The following EFCAB5 variants were observed in gnomAD, a reference collection of about 807,000 sequenced individuals.
EFCAB5 encodes the protein EF-hand calcium binding domain 5.
A neutral mutation model predicts 167.9 loss-of-function variants in EFCAB5; 131 were observed. That is an observed-to-expected ratio of 0.78 (90% CI 0.68 to 0.90). EFCAB5 has a LOEUF of 0.90. Ranked by LOEUF, EFCAB5 falls within the 40% of genes least tolerant of loss-of-function variation. The probability of loss-of-function intolerance (pLI) is 0.00; values close to 1 mark genes in which losing one functional copy is unlikely to be tolerated. For missense variants in EFCAB5, 1,663 were observed against 1,745.2 expected (o/e 0.95, Z 0.84); for synonymous variants, 574 against 602.8 (o/e 0.95, Z 0.70).
At chr17:30,070,313 C>A (rs2151817842) in intron 14 of EFCAB5, among the ~76,000 whole-genome samples, 1 of 151,906 alleles carries the variant, frequency 6.6e-6, no homozygotes, top group Middle Eastern at 3.4e-3. Flanking sequence ...GATCAAATAC[C>A]AATAGCATTT....
At chr17:29,959,738 C>T (rs79663417) in intron 3 of EFCAB5, among the ~76,000 whole-genome samples, 3,020 of 152,254 alleles carry the variant, frequency 0.02, 43 homozygotes, top group Non-Finnish European at 0.031. Context: ...TGTCCTTTCT[C>T]CTTTCCTTAA....
At chr17:29,996,496 G>C in intron 6 of EFCAB5, 136 bp downstream of exon 6, 1 of 662,370 alleles carries the variant, frequency 1.5e-6, no homozygotes, top group South Asian at 2.2e-5. Flanking sequence ...CTTCCATGCT[G>C]TCCAGATACA....
chr17:29,952,847 T>A (rs1350509003), intron 3 of EFCAB5, among the ~76,000 whole-genome samples: 1 of 152,172 alleles, frequency 6.6e-6, no homozygotes, highest in Non-Finnish European at 1.5e-5. Context: ...CTACTTATTA[T>A]ATCATCATTA....
chr17:30,092,732 T>C (rs1270295907), intron 21 of EFCAB5, 108 bp from the exon 22 acceptor site: 14 of 695,924 alleles, frequency 2.0e-5, no homozygotes, highest in Non-Finnish European at 3.3e-5. Flanking sequence ...TGATTGGTTT[T>C]GCCTATTTTA....
intron 1 of EFCAB5, among the ~76,000 whole-genome samples, chr17:29,934,816 G>A (rs1044741528): frequency 6.6e-6 from 1 of 152,188 alleles, no homozygotes; most frequent in African/African-American, 2.4e-5. Context: ...GGGCTGCTGA[G>A]AATCTCTAGA....
At chr17:30,055,673 T>C (rs562497265) in intron 10 of EFCAB5, among the ~76,000 whole-genome samples, 4 of 152,266 alleles carry the variant, frequency 2.6e-5, no homozygotes, top group African/African-American at 9.6e-5. Context: ...CATGGCCAAA[T>C]TGGATACAAT....
intron 3 of EFCAB5, among the ~76,000 whole-genome samples, chr17:29,957,226 C>G (rs1296332124): frequency 1.3e-5 from 2 of 152,106 alleles, no homozygotes; most frequent in Non-Finnish European, 2.9e-5. Context: ...TTTTGTCTTT[C>G]ATTCTGTTGA....
At chr17:30,087,283 T>C in intron 19 of EFCAB5, 117 bp downstream of exon 19, 1 of 712,894 alleles carries the variant, frequency 1.4e-6, no homozygotes, top group East Asian at 2.9e-5. Flanking sequence ...ATTCTTTCTT[T>C]TTAATTTAAT....
At chr17:29,933,751 C>T (rs955981531) in intron 1 of EFCAB5, among the ~76,000 whole-genome samples, 2 of 152,162 alleles carry the variant, frequency 1.3e-5, no homozygotes, top group Non-Finnish European at 1.5e-5. Flanking sequence ...CTGATGAAAA[C>T]TATTGACCTT....
At chr17:29,982,312 G>A (rs1415626139) in intron 4 of EFCAB5, among the ~76,000 whole-genome samples, 3 of 152,018 alleles carry the variant, frequency 2.0e-5, no homozygotes, top group East Asian at 1.9e-4. Flanking sequence ...CAGAAGAATC[G>A]CTTGAACCTG....
At chr17:29,993,956 G>A (rs994124936) in intron 5 of EFCAB5, among the ~76,000 whole-genome samples, 1 of 150,528 alleles carries the variant, frequency 6.6e-6, no homozygotes, top group Admixed American at 6.7e-5. Flanking sequence ...CTACTTTTAT[G>A]AAGAATTTAG....
At chr17:30,107,156 C>A (rs2071459654) in intron 22 of EFCAB5, among the ~76,000 whole-genome samples, 1 of 152,102 alleles carries the variant, frequency 6.6e-6, no homozygotes, top group Non-Finnish European at 1.5e-5. Context: ...GAAAAAGCAA[C>A]TTTTATGAAT....
At chr17:30,018,702 G>A (rs1466527093) in intron 7 of EFCAB5, among the ~76,000 whole-genome samples, 5 of 152,030 alleles carry the variant, frequency 3.3e-5, no homozygotes, top group Non-Finnish European at 7.4e-5. Context: ...CAATTTGGCT[G>A]CTTACACCTA....
chr17:30,059,438 A>G lies in EFCAB5; in HGVS notation c.2581-107A>G, dbSNP rs910705133. On this transcript the variant is annotated intron_variant, in intron 13 of 22. Coordinates refer to ENST00000394835, the MANE Select transcript of EFCAB5 (RefSeq NM_198529.4). Reference sequence around the variant, plus strand: ...AATATCATGCTTAGCCTCAAAGTAAACCTGTTTTAATAGAAGACGCTGGAC... The same window carrying G: ...AATATCATGCTTAGCCTCAAAGTAAGCCTGTTTTAATAGAAGACGCTGGAC... The G allele has an allele frequency of 7.3e-6, 9 of 1,232,168 alleles. No individual in the cohort carries two copies. The East Asian group carries it at 1.2e-4, about 17-fold the overall frequency. 76.3% of individuals were successfully genotyped at this position (1,232,168 alleles called of 1,614,324 possible).
chr17:29,956,376 T>C (rs7207230), intron 3 of EFCAB5, among the ~76,000 whole-genome samples: 148,406 of 152,318 alleles, frequency 0.97, 72,314 homozygotes, highest in East Asian at 1. Context: ...ATGACATTTA[T>C]GGACACAAAA....
chr17:29,932,764 C>T (rs943011029), intron 1 of EFCAB5, among the ~76,000 whole-genome samples: 6 of 152,016 alleles, frequency 3.9e-5, no homozygotes, highest in African/African-American at 1.4e-4. Flanking sequence ...GGCCATCATT[C>T]TTTTTCTTAA....
intron 4 of EFCAB5, among the ~76,000 whole-genome samples, chr17:29,982,719 T>C (rs1021968386): frequency 2.6e-5 from 4 of 152,234 alleles, no homozygotes; most frequent in African/African-American, 9.6e-5. Flanking sequence ...AATGATCTGG[T>C]ATACTGAGGT....
rs139378011 is a variant in EFCAB5, at chr17:30,047,227, TA to T, written c.1201-3888del. On this transcript the variant is annotated intron_variant, in intron 8 of 22. Transcript: ENST00000394835. ...TTGGCTTACTATACAGTAAGAAATCTAAAGGCTTTCAAGATTTCTGAAATTG... is the reference window on the plus strand; with the variant it reads ...TTGGCTTACTATACAGTAAGAAATCTAAGGCTTTCAAGATTTCTGAAATTG... Among the ~76,000 whole-genome samples, 1,276 of 152,310 alleles carry T rather than the reference TA, an allele frequency of 8.4e-3. 21 individuals carry two copies. Among genetic ancestry groups the T allele is most frequent in the African/African-American group, 0.029 (1,220 of 41,554 alleles).
intron 4 of EFCAB5, among the ~76,000 whole-genome samples, chr17:29,975,457 A>T (rs772462751): frequency 6.6e-6 from 1 of 152,082 alleles, no homozygotes. Context: ...GGGTTTCACC[A>T]TGTTGGCCAG....
Sources: gnomAD v4.1 joint callset for allele counts (sites outside exome capture counted in the v4.1 genomes callset) on GRCh38, gnomAD v4.1.1 for gene constraint, MANE v1.5 for transcripts, NCBI Gene and HGNC (gene_info 2026-07-23, HGNC 2026-07-21) for gene names.